AASS: variants seen among roughly 807,000 people sequenced by gnomAD.
AASS encodes the protein alpha-aminoadipic semialdehyde synthase, mitochondrial.
AASS carries 86 observed loss-of-function variants against 105.4 expected under a neutral mutation model. The ratio of observed to expected loss-of-function variants is 0.82; its 90% confidence interval spans 0.69 to 0.98. AASS has a LOEUF of 0.98. AASS is among the 50% of genes least tolerant of loss of function. The pLI, the probability that AASS is intolerant of heterozygous loss-of-function variation, is 0.00. For synonymous variants in AASS, 381 were observed against 394.8 expected, an observed-to-expected ratio of 0.96 and a Z score of 0.41; for missense variants, 1,048 against 1,143.2, an observed-to-expected ratio of 0.92 and a Z score of 1.20.
At chr7:122,093,338 G>A (rs1793996473) in intron 15 of AASS, among the ~76,000 whole-genome samples, 180 bp from the exon 16 acceptor site, 1 of 152,206 alleles carries the variant, frequency 6.6e-6, no homozygotes, top group African/African-American at 2.4e-5. Flanking sequence ...ACAGAGGATA[G>A]TTCAGAGATT....
In AASS at chr7:122,076,275, G is replaced by A; in HGVS notation, c.*214C>T. On this transcript the variant is annotated 3_prime_UTR_variant, in exon 24 of 24. Coordinates refer to ENST00000417368, the MANE Select transcript of AASS (RefSeq NM_005763.4). ...TTCACATACGTATTTATAAAATACA[G>A]GGTAGAATTATTAAAGTTCTCTGTT... is the stretch of plus-strand genomic sequence containing the variant. 1.9e-6 allele frequency: 1 copy of A among 533,392 alleles called. No homozygotes were observed. Among genetic ancestry groups the A allele is most frequent in the Non-Finnish European group, 3.3e-6 (1 of 299,772 alleles). 33.0% of individuals were successfully genotyped at this position (533,392 alleles called of 1,614,324 possible). A position where few individuals can be genotyped will look rare whatever the true frequency, so the allele number is the denominator to read the frequency against.
intron 12 of AASS, 58 bp downstream of exon 12, chr7:122,101,563 G>C (rs1794433588): frequency 8.6e-6 from 13 of 1,516,712 alleles, no homozygotes; most frequent in East Asian, 2.3e-5. Context: ...AGAGAGAAGA[G>C]AGCAAAAATG....
At chr7:122,136,120 G>A (rs901716470) in intron 1 of AASS, among the ~76,000 whole-genome samples, 3 of 152,048 alleles carry the variant, frequency 2.0e-5, no homozygotes, top group African/African-American at 7.2e-5. Context: ...ACCCATCACC[G>A]CTAACAACAT....
chr7:122,112,896 T>C (rs1026095434), intron 11 of AASS, among the ~76,000 whole-genome samples: 1 of 152,182 alleles, frequency 6.6e-6, no homozygotes, highest in Non-Finnish European at 1.5e-5. Flanking sequence ...GAAAGAGATG[T>C]AATTGTAATT....
intron 15 of AASS, among the ~76,000 whole-genome samples, chr7:122,097,886 A>G (rs942769184): frequency 1.3e-5 from 2 of 152,070 alleles, no homozygotes; most frequent in Non-Finnish European, 2.9e-5. Flanking sequence ...AAAGACAAAT[A>G]CCGAAATGTG....
chr7:122,136,576 C>T (rs1037113712), intron 1 of AASS, among the ~76,000 whole-genome samples: 6 of 152,196 alleles, frequency 3.9e-5, no homozygotes, highest in East Asian at 3.9e-4. Flanking sequence ...TCAGTCTTCT[C>T]GAAGCCAAAA....
chr7:122,088,447 G>GCTGAGTCACC (rs1793736062), intron 18 of AASS, among the ~76,000 whole-genome samples: 1 of 151,990 alleles, frequency 6.6e-6, no homozygotes, highest in Admixed American at 6.6e-5. Context: ...TCACCCAAAG[G>GCTGAGTCACC]CAAATCTGAA....
At chr7:122,143,962 A>C (rs961356704) in intron 1 of AASS, among the ~76,000 whole-genome samples, 199 bp downstream of exon 1, 3 of 152,132 alleles carry the variant, frequency 2.0e-5, no homozygotes, top group Non-Finnish European at 4.4e-5. Context: ...CATTCCTCGC[A>C]GGGAGGCCCG....
intron 11 of AASS, among the ~76,000 whole-genome samples, chr7:122,112,869 T>C (rs1481424824): frequency 6.6e-6 from 1 of 152,122 alleles, no homozygotes; most frequent in Non-Finnish European, 1.5e-5. Context: ...ACATTCTTAA[T>C]AAAAGACCTA....
At chr7:122,106,974 A>G (rs1165927204) in intron 11 of AASS, among the ~76,000 whole-genome samples, 4 of 152,136 alleles carry the variant, frequency 2.6e-5, no homozygotes, top group African/African-American at 9.7e-5. Context: ...AATGGGAGAA[A>G]ATATTTGCAA....
intron 20 of AASS, among the ~76,000 whole-genome samples, chr7:122,080,688 T>C (rs1454804309): frequency 1.3e-5 from 2 of 152,236 alleles, no homozygotes; most frequent in Admixed American, 6.5e-5. Flanking sequence ...GGGGTTATTA[T>C]ACATTGCATG....
chr7:122,101,182 T>G (rs1271090188), intron 13 of AASS, among the ~76,000 whole-genome samples, 189 bp downstream of exon 13: 1 of 151,900 alleles, frequency 6.6e-6, no homozygotes, highest in Non-Finnish European at 1.5e-5. Flanking sequence ...ATACTACTGT[T>G]AAGTGGGAAA....
At chr7:122,121,190 T>A (rs1337365020) in intron 4 of AASS, among the ~76,000 whole-genome samples, 1 of 152,142 alleles carries the variant, frequency 6.6e-6, no homozygotes, top group Non-Finnish European at 1.5e-5. Context: ...TTGTTCTAGG[T>A]TACCATATGC....
intron 4 of AASS, among the ~76,000 whole-genome samples, chr7:122,121,486 C>T (rs1795438689): frequency 6.6e-6 from 1 of 152,002 alleles, no homozygotes; most frequent in Non-Finnish European, 1.5e-5. Context: ...CCTCAACCTC[C>T]CAGACTCAAG....
chr7:122,118,452 T>C lies in AASS; in HGVS notation c.542A>G (p.His181Arg). 6.2e-7 allele frequency: 1 copy of C among 1,614,184 alleles called. No individual in the cohort carries two copies. Among genetic ancestry groups the C allele is most frequent in the Non-Finnish European group, 8.5e-7 (1 of 1,180,022 alleles). Residue 181 changes from histidine to arginine, a missense_variant and splice_region_variant, in exon 6 of 24, where the codon CAC (histidine) becomes CGC (arginine). By Grantham distance (29) the His-to-Arg change is conservative. Transcript: ENST00000417368. ...CCTGTAGTTATGAGCCATGCCAATG[T>C]GCTGAAAACAAACATACACAACTCA... ...LALGHHTPFM[H>R]IGMAHNYRNS...
chr7:122,104,348 C>T (rs1255855521), intron 11 of AASS, among the ~76,000 whole-genome samples: 2 of 152,094 alleles, frequency 1.3e-5, no homozygotes, highest in African/African-American at 4.8e-5. Context: ...GTAATCCCAG[C>T]ACTTTGAGAG....
chr7:122,081,723 T>A, intron 19 of AASS, 128 bp from the exon 20 acceptor site: 1 of 678,354 alleles, frequency 1.5e-6, no homozygotes, highest in Non-Finnish European at 2.5e-6. Flanking sequence ...ATGATATGAG[T>A]ACTACAGCTC....
rs1487551370 is a variant in AASS, at chr7:122,077,935, C to T, written c.2565G>A (p.Thr855=). 5 of 1,614,156 alleles carry T rather than the reference C, an allele frequency of 3.1e-6. No homozygotes were observed. The highest frequency in any genetic ancestry group is 2.2e-5 in the East Asian group (1 of 44,864). ...TGTCCCCATAAGCCACAAGATCAAT[C>T]GTTTTATGTTCTAAATGTCCAGAAG... ...RHPSGHLEHK[T]IDLVAYGDIN... is the part of the protein sequence containing the mutation. The change falls in exon 23 of 24, where the codon ACG becomes ACA. Residue 855 remains threonine (T), a synonymous_variant. Transcript: ENST00000417368.
At chr7:122,079,281 T>A in intron 21 of AASS, 1 of 1,344,710 alleles carries the variant, frequency 7.4e-7, no homozygotes, top group Non-Finnish European at 9.6e-7. Context: ...ACAGCGGTCA[T>A]ATGAAAGAAT....
Sources: allele counts gnomAD v4.1 joint callset (sites outside exome capture counted in the v4.1 genomes callset), GRCh38; gene constraint gnomAD v4.1.1; transcripts MANE v1.5; gene names NCBI Gene and HGNC (gene_info 2026-07-23, HGNC 2026-07-21).